APLP2: variants seen among roughly 807,000 people sequenced by gnomAD.
The protein encoded by APLP2 is amyloid beta precursor like protein 2.
In APLP2, 53 loss-of-function variants were observed where a neutral mutation model predicts 89.9. That is an observed-to-expected ratio of 0.59 (90% confidence interval 0.47 to 0.74). APLP2 has a LOEUF of 0.74. Among genes scored for constraint, APLP2 ranks in the 30% least tolerant of loss-of-function variants. The pLI is 0.00. For missense variants in APLP2, 973 were observed against 975.9 expected (o/e 1.00, Z 0.04); for synonymous variants, 372 against 348.6 (o/e 1.07, Z -0.75).
intron 1 of APLP2, among the ~76,000 whole-genome samples, chr11:130,097,294 C>T (rs1946337804): frequency 6.6e-6 from 1 of 152,176 alleles, no homozygotes; most frequent in African/African-American, 2.4e-5. Flanking sequence ...TTTCTCTCTC[C>T]CTGCCCTGTG....
rs71352174 is a variant in APLP2, at chr11:130,091,274, C to A, written c.106-18155C>A. On this transcript the variant is annotated intron_variant, in intron 1 of 16. Transcript: ENST00000338167. Reference sequence around the variant, plus strand: ...GCGGCTGGCCGGGCGGGGGGCTGACCCCCCCACCTCCCTCCCGGACGGGGC... The same window carrying A: ...GCGGCTGGCCGGGCGGGGGGCTGACACCCCCACCTCCCTCCCGGACGGGGC... Among the ~76,000 whole-genome samples, 49 of 127,418 alleles carry A rather than the reference C, an allele frequency of 3.8e-4. No individual in the cohort carries two copies. The East Asian group carries it at 7.6e-3, about 20-fold the overall frequency. 83.6% of individuals were successfully genotyped at this position (127,418 alleles called of 152,430 possible). A position where few individuals can be genotyped will look rare whatever the true frequency, so the allele number is the denominator to read the frequency against.
chr11:130,075,015 A>G (rs529040182), intron 1 of APLP2, among the ~76,000 whole-genome samples: 1 of 152,340 alleles, frequency 6.6e-6, no homozygotes, highest in African/African-American at 2.4e-5. Context: ...TTGTACCTTG[A>G]TTTATGGCCT....
At chr11:130,070,565 G>A in intron 1 of APLP2, 1 of 1,292,440 alleles carries the variant, frequency 7.7e-7, no homozygotes, top group Non-Finnish European at 9.8e-7. Flanking sequence ...GGCGGGCTTC[G>A]CCTTTGTTGC....
intron 3 of APLP2, among the ~76,000 whole-genome samples, chr11:130,117,491 C>T (rs950236028): frequency 3.3e-5 from 5 of 151,732 alleles, no homozygotes; most frequent in Non-Finnish European, 7.4e-5. Flanking sequence ...GGCTGGAGTG[C>T]AGTGGCATGA....
intron 1 of APLP2, among the ~76,000 whole-genome samples, chr11:130,085,217 A>G (rs1943919565): frequency 2.0e-5 from 3 of 152,226 alleles, no homozygotes; most frequent in Non-Finnish European, 4.4e-5. Context: ...TGGGAGGCCG[A>G]GGTGGGTTGA....
chr11:130,118,278 C>G (rs560003453), intron 3 of APLP2, among the ~76,000 whole-genome samples: 5 of 152,198 alleles, frequency 3.3e-5, no homozygotes, highest in Non-Finnish European at 7.3e-5. Flanking sequence ...CTCAAGACTT[C>G]ACTAACATTA....
chr11:130,097,492 A>C (rs542786529), intron 1 of APLP2, among the ~76,000 whole-genome samples: 1 of 152,292 alleles, frequency 6.6e-6, no homozygotes, highest in African/African-American at 2.4e-5. Flanking sequence ...CTGGGAGTAC[A>C]AGACCAGCCT....
intron 1 of APLP2, among the ~76,000 whole-genome samples, chr11:130,084,137 T>C (rs1245291369): frequency 6.6e-6 from 1 of 151,984 alleles, no homozygotes; most frequent in Non-Finnish European, 1.5e-5. Flanking sequence ...TCCCAGCTAC[T>C]CGGGAGGCTG....
At position 130,123,999 on chromosome 11, in the gene APLP2, G is replaced by C. The variant is rs1950118801; in HGVS notation, c.1090+220G>C. Reference sequence around the variant, plus strand: ...GTGTCCTGTGCTCACCGTGTGTCTGGTGGTGCTTGGTGGTGATGGTGCGTA... The same window carrying C: ...GTGTCCTGTGCTCACCGTGTGTCTGCTGGTGCTTGGTGGTGATGGTGCGTA... On this transcript the variant is annotated intron_variant, in intron 7 of 16. Transcript: ENST00000338167. This position sits in a 1 kb window ranked among gnomAD's most constrained non-coding sequence, Gnocchi z 4.0. Among the ~76,000 whole-genome samples, 1 of 152,192 alleles carries C rather than the reference G, an allele frequency of 6.6e-6. No homozygotes were observed. Among genetic ancestry groups the C allele is most frequent in the Non-Finnish European group, 1.5e-5 (1 of 68,040 alleles).
rs757361984 is a variant in APLP2, at chr11:130,143,437, A to G, written c.2245A>G (p.Met749Val). The G allele has an allele frequency of 1.9e-5, 30 of 1,613,880 alleles. No individual in the cohort carries two copies. Among genetic ancestry groups the G allele is most frequent in the Admixed American group, 1.2e-4 (7 of 60,002 alleles). The stretch of plus-strand genomic sequence containing the variant: ...CCCCACCTACAAATACCTGGAGCAG[A>G]TGCAGATTTAGGTGGCAGGGAGCGC... ...ENPTYKYLEQMQI is the reference protein window; with the variant it reads ...ENPTYKYLEQVQI The change falls in exon 17 of 17, where the codon ATG (methionine) becomes GTG (valine). Residue 749 changes from methionine to valine, a missense_variant. Transcript: ENST00000338167.
chr11:130,142,054 A>G lies in APLP2; in HGVS notation c.2134A>G (p.Ile712Val). 6.2e-7 allele frequency: 1 copy of G among 1,613,356 alleles called. No individual in the cohort carries two copies. The highest frequency in any genetic ancestry group is 8.5e-7 in the Non-Finnish European group (1 of 1,179,786). ...VMLRKRQYGT[I>V]SHGIVEVDPM... Reference sequence around the variant, plus strand: ...GCTGAGGAAGAGGCAGTATGGCACCATCAGCCACGGGATCGTGGAGGTGAG... The same window carrying G: ...GCTGAGGAAGAGGCAGTATGGCACCGTCAGCCACGGGATCGTGGAGGTGAG... The change falls in exon 16 of 17, where the codon ATC becomes GTC. Residue 712 changes from isoleucine to valine, a missense_variant. Ile to Val is a conservative substitution (Grantham distance 29, BLOSUM62 3). Coordinates refer to ENST00000338167, the MANE Select transcript of APLP2 (RefSeq NM_001142276.2).
intron 8 of APLP2, 81 bp downstream of exon 8, chr11:130,126,911 T>C: frequency 3.2e-6 from 5 of 1,579,056 alleles, no homozygotes; most frequent in Non-Finnish European, 4.3e-6. Flanking sequence ...AAGTAATAGC[T>C]TCTCCCTAGA....
intron 1 of APLP2, among the ~76,000 whole-genome samples, chr11:130,091,241 C>T (rs1259016049): frequency 1.5e-5 from 2 of 135,744 alleles, no homozygotes; most frequent in Non-Finnish European, 3.2e-5. Flanking sequence ...ACCTCCCTCC[C>T]GCACGGGGCG....
intron 1 of APLP2, among the ~76,000 whole-genome samples, chr11:130,072,948 A>G (rs1354905664): frequency 6.6e-6 from 1 of 152,196 alleles, no homozygotes; most frequent in Non-Finnish European, 1.5e-5. Context: ...TAGGGTGACT[A>G]GTGTGAATGA....
chr11:130,133,581 C>T (rs757463937), intron 11 of APLP2, 48 bp from the exon 12 acceptor site: 33 of 1,407,852 alleles, frequency 2.3e-5, no homozygotes, highest in Non-Finnish European at 3.2e-5. Flanking sequence ...CCCTCCTGGC[C>T]TAGTTGTTTT....
intron 1 of APLP2, among the ~76,000 whole-genome samples, chr11:130,083,572 A>G (rs1943599674): frequency 6.6e-6 from 1 of 152,242 alleles, no homozygotes; most frequent in African/African-American, 2.4e-5. Context: ...AAGGGGAATC[A>G]TGCAGTACTT....
Position 130,144,046 on chromosome 11 carries a change from A to C in APLP2, c.*598A>C, listed in dbSNP as rs1952708697. ...TGAAGTCCAGTGTTTCCACGGCTGG[A>C]TACCTGTGTGTCTCCATAAAAGTCC... On this transcript the variant is annotated 3_prime_UTR_variant, in exon 17 of 17. Coordinates refer to ENST00000338167, the MANE Select transcript of APLP2 (RefSeq NM_001142276.2). The C allele has an allele frequency of 6.5e-6, 1 of 153,056 alleles. No individual in the cohort carries two copies. The highest frequency in any genetic ancestry group is 6.5e-5 in the Admixed American group (1 of 15,356). 9.5% of individuals were successfully genotyped at this position (153,056 alleles called of 1,614,324 possible).
chr11:130,109,941 A>G (rs1419869455), intron 2 of APLP2: 2 of 234,190 alleles, frequency 8.5e-6, no homozygotes, highest in Non-Finnish European at 1.6e-5. Context: ...AGTATTGTAA[A>G]GGATCATCTC....
intron 14 of APLP2, chr11:130,140,909 C>CTT (rs5795689): frequency 0.015 from 2,021 of 136,736 alleles, 56 homozygotes; most frequent in African/African-American, 0.05. Flanking sequence ...TTCAATGTGG[C>CTT]TTTTTTTTTT....
Sources: gnomAD v4.1 joint callset for allele counts (sites outside exome capture counted in the v4.1 genomes callset) on GRCh38, gnomAD v4.1.1 for gene constraint, Gnocchi (gnomAD v3.1) non-coding constraint, MANE v1.5 for transcripts, NCBI Gene and HGNC (gene_info 2026-07-23, HGNC 2026-07-21) for gene names.